CWC22: variants seen among roughly 807,000 people sequenced by gnomAD.
CWC22 encodes CWC22 spliceosome associated protein.
Under a neutral mutation model 117.2 loss-of-function variants are expected in CWC22, and 53 were observed. The ratio of observed to expected loss-of-function variants is 0.45; its 90% CI spans 0.36 to 0.57. CWC22 has a LOEUF of 0.57. Among genes scored for constraint, CWC22 ranks in the 20% least tolerant of loss-of-function variants. The probability of loss-of-function intolerance (pLI) is 0.00; values close to 1 mark genes in which losing one functional copy is unlikely to be tolerated. For synonymous variants in CWC22, 360 were observed against 355.6 expected (o/e 1.01, Z -0.14); for missense variants, 980 against 1,068.8 (o/e 0.92, Z 1.16).
intron 6 of CWC22, among the ~76,000 whole-genome samples, chr2:179,974,074 G>C (rs532721996): frequency 1.2e-4 from 18 of 152,014 alleles, no homozygotes; most frequent in Non-Finnish European, 2.5e-4. Context: ...TTCCCAGTCT[G>C]TTATATCTAA....
chr2:179,946,098 G>C (rs1353204669), intron 19 of CWC22, among the ~76,000 whole-genome samples: 1 of 152,070 alleles, frequency 6.6e-6, no homozygotes, highest in African/African-American at 2.4e-5. Flanking sequence ...GGTCAGGCTG[G>C]TCTCGAACTC....
At chr2:179,978,835 G>A (rs969656517) in intron 5 of CWC22, among the ~76,000 whole-genome samples, 1 of 151,316 alleles carries the variant, frequency 6.6e-6, no homozygotes, top group Non-Finnish European at 1.5e-5. Context: ...ACAGGAAAAG[G>A]GAGTCACATG....
intron 1 of CWC22, among the ~76,000 whole-genome samples, chr2:180,003,051 T>G (rs1422338165): frequency 7.0e-6 from 1 of 143,660 alleles, no homozygotes; most frequent in Non-Finnish European, 1.6e-5. Context: ...ATTACTCCAA[T>G]TTCTGCCTAC....
rs138178464 is a variant in CWC22, at chr2:179,977,118, G to A, written c.581+1072C>T. On this transcript the variant is annotated intron_variant, in intron 6 of 19. Transcript: ENST00000410053. ...GGGCAGTGAACTATGACCATGCACT[G>A]TACTCCGGCCTGACAATAAAGCAAG... is the stretch of plus-strand genomic sequence containing the variant. Among the ~76,000 whole-genome samples, 550 of 152,240 alleles carry A rather than the reference G, an allele frequency of 3.6e-3. 3 individuals carry two copies. Among genetic ancestry groups the A allele is most frequent in the African/African-American group, 0.013 (532 of 41,538 alleles).
At chr2:179,978,158 G>T in intron 6 of CWC22, 32 bp downstream of exon 6, 2 of 1,459,306 alleles carry the variant, frequency 1.4e-6, no homozygotes, top group African/African-American at 1.4e-5. Context: ...AAAATACTTA[G>T]AAATACTACA....
chr2:179,977,012 C>T (rs1687170893), intron 6 of CWC22, among the ~76,000 whole-genome samples: 1 of 151,930 alleles, frequency 6.6e-6, no homozygotes, highest in Non-Finnish European at 1.5e-5. Context: ...AAAAATTAGC[C>T]CAGTGTGGTG....
intron 19 of CWC22, among the ~76,000 whole-genome samples, chr2:179,947,356 C>A (rs1442131343): frequency 6.6e-6 from 1 of 152,194 alleles, no homozygotes; most frequent in Non-Finnish European, 1.5e-5. Context: ...CTTGATCCTA[C>A]TGTACACCAC....
rs542866867 is a variant in CWC22 at position 179,949,804 on chromosome 2, A to C, written c.2140+708T>G. Among the ~76,000 whole-genome samples, 6 of 152,352 alleles carry C rather than the reference A, an allele frequency of 3.9e-5. No individual in the cohort carries two copies. In the South Asian group the frequency reaches 1.2e-3, roughly 32 times the overall value. ...TAAATATATATTGTGGTATATTCAT[A>C]TAGTAGGAAACTACATAGCAATATT... On this transcript the variant is annotated intron_variant, in intron 19 of 19. Transcript: ENST00000410053.
At chr2:179,991,523 C>A (rs971738637) in intron 2 of CWC22, among the ~76,000 whole-genome samples, 4 of 152,120 alleles carry the variant, frequency 2.6e-5, no homozygotes, top group African/African-American at 9.7e-5. Context: ...CACCCACGGG[C>A]AGGCTGGGGG....
chr2:179,969,066 G>C (rs975726075), intron 11 of CWC22, among the ~76,000 whole-genome samples: 2 of 152,110 alleles, frequency 1.3e-5, no homozygotes, highest in African/African-American at 4.8e-5. Context: ...ATCCTGAGAC[G>C]AAAGAATTTG....
intron 6 of CWC22, among the ~76,000 whole-genome samples, chr2:179,976,999 T>C (rs1160927749): frequency 6.6e-6 from 1 of 151,940 alleles, no homozygotes; most frequent in East Asian, 1.9e-4. Context: ...CTACAAAATA[T>C]TAAAAAATTA....
intron 5 of CWC22, 151 bp downstream of exon 5, chr2:179,981,601 A>T: frequency 4.8e-6 from 3 of 620,336 alleles, no homozygotes; most frequent in Non-Finnish European, 8.4e-6. Flanking sequence ...TGGCTCTCCA[A>T]TGGAGCTATA....
At chr2:179,992,498 C>T (rs183531275) in intron 2 of CWC22, among the ~76,000 whole-genome samples, 2 of 152,120 alleles carry the variant, frequency 1.3e-5, no homozygotes, top group African/African-American at 2.4e-5. Flanking sequence ...CCCTACTCAT[C>T]CCTCTATTAA....
intron 7 of CWC22, among the ~76,000 whole-genome samples, 169 bp from the exon 8 acceptor site, chr2:179,973,415 G>A (rs1411609555): frequency 2.0e-5 from 3 of 152,124 alleles, no homozygotes; most frequent in Admixed American, 6.5e-5. Context: ...ATCCCTTCTG[G>A]TTAAATAGTT....
intron 14 of CWC22, among the ~76,000 whole-genome samples, chr2:179,955,974 T>G (rs1283876726): frequency 1.3e-5 from 2 of 151,930 alleles, no homozygotes; most frequent in African/African-American, 4.8e-5. Flanking sequence ...CTTAAAACAA[T>G]TTTCCAAATA....
chr2:179,955,325 T>A (rs756985160), intron 14 of CWC22, among the ~76,000 whole-genome samples: 1 of 151,904 alleles, frequency 6.6e-6, no homozygotes, highest in Non-Finnish European at 1.5e-5. Context: ...GAAACAGACA[T>A]ATGAGGGAGA....
intron 2 of CWC22, among the ~76,000 whole-genome samples, chr2:179,990,594 G>A (rs1481371821): frequency 6.6e-6 from 1 of 151,658 alleles, no homozygotes; most frequent in African/African-American, 2.4e-5. Flanking sequence ...AGAAGGAGGG[G>A]GCAGGGAGAG....
At chr2:179,957,930 T>A (rs774607913) in intron 14 of CWC22, among the ~76,000 whole-genome samples, 18 of 151,978 alleles carry the variant, frequency 1.2e-4, no homozygotes, top group Non-Finnish European at 2.2e-4. Context: ...CTTTGAAAAG[T>A]GAAGTATATC....
chr2:179,994,825 T>G, intron 1 of CWC22, among the ~76,000 whole-genome samples: 1 of 152,206 alleles, frequency 6.6e-6, no homozygotes, highest in Non-Finnish European at 1.5e-5. Context: ...GCTGGCAAGT[T>G]GTCCCCCAAT....
Sources: allele counts gnomAD v4.1 joint callset (sites outside exome capture counted in the v4.1 genomes callset), GRCh38; gene constraint gnomAD v4.1.1; transcripts MANE v1.5; gene names NCBI Gene and HGNC (gene_info 2026-07-23, HGNC 2026-07-21).